The following TAFA1 variants were observed in gnomAD, a reference collection of about 807,000 sequenced individuals.
The protein encoded by TAFA1 is TAFA chemokine like family member 1, also known as chemokine-like protein TAFA-1.
Under a neutral mutation model 18.5 loss-of-function variants are expected in TAFA1, and 4 were observed. The observed-to-expected ratio is 0.22, with a 90% confidence interval of 0.11 to 0.49. The LOEUF (loss-of-function observed/expected upper bound fraction) is 0.49, where lower values mean the gene tolerates loss of function less well. Among genes scored for constraint, TAFA1 ranks in the 20% least tolerant of loss-of-function variants. The pLI is 0.98. For synonymous variants in TAFA1, 56 were observed against 55.2 expected (o/e 1.01, Z -0.06); for missense variants, 147 against 169.0 (o/e 0.87, Z 0.72).
At chr3:68,093,283 TC>T (rs1479618218) in intron 2 of TAFA1, among the ~76,000 whole-genome samples, 2 of 152,066 alleles carry the variant, frequency 1.3e-5, no homozygotes, top group South Asian at 2.1e-4. Flanking sequence ...AATGTGTTCT[TC>T]CCACCTAGGC....
intron 2 of TAFA1, among the ~76,000 whole-genome samples, chr3:68,292,879 A>G (rs376978430): frequency 2.6e-5 from 4 of 152,062 alleles, no homozygotes; most frequent in African/African-American, 9.7e-5. Context: ...TACTAGAAAA[A>G]CAAACAAACA....
chr3:68,384,507 T>G (rs988197645), intron 2 of TAFA1, among the ~76,000 whole-genome samples: 2 of 152,168 alleles, frequency 1.3e-5, no homozygotes, highest in Non-Finnish European at 2.9e-5. Context: ...ATTTCTAATT[T>G]CATTGTGCTA....
At chr3:68,511,356 T>C (rs545953787) in intron 3 of TAFA1, among the ~76,000 whole-genome samples, 13 of 152,254 alleles carry the variant, frequency 8.5e-5, no homozygotes, top group African/African-American at 3.1e-4. Context: ...AACTTAATTA[T>C]TTTCTTAGCT....
intron 2 of TAFA1, among the ~76,000 whole-genome samples, chr3:68,169,120 T>C (rs555997686): frequency 1.4e-4 from 21 of 152,096 alleles, no homozygotes; most frequent in African/African-American, 5.1e-4. Flanking sequence ...TCTGTGCCCT[T>C]CCCACACCGA....
intron 1 of TAFA1, chr3:68,006,186 TA>T (rs75512410): frequency 0.017 from 2,507 of 145,400 alleles, 1 homozygote; most frequent in South Asian, 0.037. Flanking sequence ...ACTGTAGAAT[TA>T]AAAAAAAAAA....
intron 2 of TAFA1, among the ~76,000 whole-genome samples, chr3:68,113,452 G>A (rs1338577441): frequency 6.6e-6 from 1 of 152,118 alleles, no homozygotes; most frequent in African/African-American, 2.4e-5. Context: ...AGGTAATACA[G>A]TAAATGATTG....
chr3:68,523,771 C>T (rs1229137899), intron 3 of TAFA1, among the ~76,000 whole-genome samples: 3 of 152,064 alleles, frequency 2.0e-5, no homozygotes, highest in African/African-American at 2.4e-5. Flanking sequence ...TTTGCATGTA[C>T]TCTTGCTTCC....
chr3:68,156,839 T>G (rs1279555011), intron 2 of TAFA1, among the ~76,000 whole-genome samples: 1 of 152,172 alleles, frequency 6.6e-6, no homozygotes, highest in Non-Finnish European at 1.5e-5. Context: ...ATGTTGATAT[T>G]AATATCCCTA....
intron 2 of TAFA1, among the ~76,000 whole-genome samples, chr3:68,084,808 A>C (rs928434917): frequency 1.1e-4 from 17 of 151,968 alleles, no homozygotes; most frequent in Non-Finnish European, 2.1e-4. Flanking sequence ...AAAAAAAAAA[A>C]AAAACCAAAA....
At chr3:68,353,024 C>A (rs2069297988) in intron 2 of TAFA1, among the ~76,000 whole-genome samples, 1 of 152,018 alleles carries the variant, frequency 6.6e-6, no homozygotes, top group African/African-American at 2.4e-5. Context: ...AGGAAAATGG[C>A]TTTTTTGTTC....
At chr3:68,260,521 A>G (rs892137527) in intron 2 of TAFA1, among the ~76,000 whole-genome samples, 25 of 152,308 alleles carry the variant, frequency 1.6e-4, no homozygotes, top group Non-Finnish European at 3.1e-4. Context: ...ATCAAACTAT[A>G]CTACAAGGCT....
chr3:68,258,034 G>A (rs2067333365), intron 2 of TAFA1, among the ~76,000 whole-genome samples: 1 of 152,184 alleles, frequency 6.6e-6, no homozygotes, highest in South Asian at 2.1e-4. Flanking sequence ...TAGATTAGGA[G>A]GAGGCTAAGG....
chr3:68,403,650 T>C (rs2070539315), intron 2 of TAFA1, among the ~76,000 whole-genome samples: 1 of 152,208 alleles, frequency 6.6e-6, no homozygotes, highest in African/African-American at 2.4e-5. Flanking sequence ...TTATGTATCA[T>C]TTGAGGTTGC....
intron 2 of TAFA1, among the ~76,000 whole-genome samples, chr3:68,273,336 A>C (rs902043105): frequency 6.6e-6 from 1 of 152,182 alleles, no homozygotes; most frequent in Non-Finnish European, 1.5e-5. Context: ...CAGTTGGAGA[A>C]AGGAAGAGGC....
intron 2 of TAFA1, among the ~76,000 whole-genome samples, chr3:68,187,970 T>G (rs1041680429): frequency 2.6e-5 from 4 of 151,970 alleles, no homozygotes; most frequent in Non-Finnish European, 4.4e-5. Flanking sequence ...TTTAATAAAG[T>G]TTCTGTTTAC....
At chr3:68,083,137 C>G (rs2106780247) in intron 2 of TAFA1, among the ~76,000 whole-genome samples, 1 of 152,180 alleles carries the variant, frequency 6.6e-6, no homozygotes, top group Middle Eastern at 3.4e-3. Context: ...AATGTGAAGG[C>G]TAGGTCTTAT....
chr3:68,146,061 C>T (rs1268238307), intron 2 of TAFA1, among the ~76,000 whole-genome samples: 1 of 152,174 alleles, frequency 6.6e-6, no homozygotes, highest in South Asian at 2.1e-4. Flanking sequence ...ACAGAAGGAA[C>T]CTCTGTTGAT....
At chr3:68,175,461 C>T (rs1457690208) in intron 2 of TAFA1, among the ~76,000 whole-genome samples, 1 of 152,184 alleles carries the variant, frequency 6.6e-6, no homozygotes, top group Admixed American at 6.5e-5. Flanking sequence ...GGGAACCCAC[C>T]TCTTGCATCA....
Position 68,006,731 on chromosome 3 carries a change from C to T in TAFA1, c.105C>T (p.His35=), listed in dbSNP as rs774895585. 2 of 1,613,272 alleles carry T rather than the reference C, an allele frequency of 1.2e-6. No homozygotes were observed. The highest frequency in any genetic ancestry group is 1.7e-6 in the Non-Finnish European group (2 of 1,179,158). ...GSLQHTFQQH[H]LHRPEGGTCE... Reference sequence around the variant, plus strand: ...TTCAGCACACTTTCCAGCAGCATCACCTGCACAGACCAGGTAAGTCAGGAG... The same window carrying T: ...TTCAGCACACTTTCCAGCAGCATCATCTGCACAGACCAGGTAAGTCAGGAG... Residue 35 remains histidine, a synonymous_variant, in exon 2 of 5, where the codon CAC becomes CAT. Coordinates refer to ENST00000478136, the MANE Select transcript of TAFA1 (RefSeq NM_213609.4).
Sources: gnomAD v4.1 joint callset for allele counts (sites outside exome capture counted in the v4.1 genomes callset) on GRCh38, gnomAD v4.1.1 for gene constraint, MANE v1.5 for transcripts, NCBI Gene and HGNC (gene_info 2026-07-23, HGNC 2026-07-21) for gene names.